The following HTT variants were observed in gnomAD, a reference collection of about 807,000 sequenced individuals.
HTT encodes the protein huntington disease protein.
In HTT, 104 loss-of-function variants were observed where a neutral mutation model predicts 362.3. That is an observed-to-expected ratio of 0.29 (90% CI 0.24 to 0.34). The LOEUF is 0.34. HTT is among the 10% of genes least tolerant of loss of function. The pLI is 1.00. For missense variants in HTT, 3,301 were observed against 3,928.6 expected (o/e 0.84, Z 4.27); for synonymous variants, 1,577 against 1,548.7 (o/e 1.02, Z -0.43).
chr4:3,217,327 C>T (rs1409795925), intron 51 of HTT, among the ~76,000 whole-genome samples: 1 of 152,164 alleles, frequency 6.6e-6, no homozygotes, highest in Non-Finnish European at 1.5e-5. Flanking sequence ...GCACTCTGAC[C>T]TAGGAAAGCC....
At chr4:3,151,956 G>A (rs940612315) in intron 26 of HTT, among the ~76,000 whole-genome samples, 6 of 152,094 alleles carry the variant, frequency 3.9e-5, no homozygotes, top group South Asian at 2.1e-4. Flanking sequence ...GAGATAGGGT[G>A]TCATTCTGTT....
chr4:3,212,458 A>G, intron 48 of HTT, 106 bp from the exon 49 acceptor site: 3 of 1,390,312 alleles, frequency 2.2e-6, no homozygotes, highest in Non-Finnish European at 3.0e-6. Flanking sequence ...CTGAGGAACA[A>G]TGTCTTGAGC....
rs1714488372 is a variant in HTT, at chr4:3,107,427, T to G, written c.747+4T>G. The G allele has an allele frequency of 6.2e-7, 1 of 1,613,978 alleles. No individual in the cohort carries two copies. The highest frequency in any genetic ancestry group is 8.5e-7 in the Non-Finnish European group (1 of 1,179,980). On this transcript the variant is annotated splice_donor_region_variant and intron_variant, in intron 6 of 66. Transcript: ENST00000355072. ...TGCAAATGACAATGAAATTAAGGTA[T>G]GATTGTTGCCTCAGGTCACAAACAT... is the stretch of plus-strand genomic sequence containing the variant.
chr4:3,139,073 A>G (rs1716216391), intron 21 of HTT, among the ~76,000 whole-genome samples: 1 of 152,190 alleles, frequency 6.6e-6, no homozygotes, highest in Non-Finnish European at 1.5e-5. Flanking sequence ...CATTTTCATC[A>G]TTGTAATTTG....
intron 52 of HTT, 80 bp from the exon 53 acceptor site, chr4:3,220,102 G>A (rs1202556216): frequency 1.3e-6 from 2 of 1,519,170 alleles, no homozygotes; most frequent in African/African-American, 1.4e-5. Flanking sequence ...CCAGTGGAGA[G>A]AAGTCGGGCT....
intron 40 of HTT, among the ~76,000 whole-genome samples, chr4:3,191,160 T>TTTC (rs1718993512): frequency 1.4e-5 from 2 of 146,810 alleles, no homozygotes; most frequent in Non-Finnish European, 3.1e-5. Flanking sequence ...TTGAGCTTTC[T>TTTC]TTCTTTCTTT....
At position 3,147,896 on chromosome 4, in the gene HTT, A is replaced by G. The variant is rs1209943590; in HGVS notation, c.3296-109A>G. The G allele has an allele frequency of 5.1e-6, 4 of 782,170 alleles. No individual in the cohort carries two copies. The African/African-American group carries it at 6.9e-5, about 14-fold the overall frequency. 48.5% of individuals were successfully genotyped at this position (782,170 alleles called of 1,614,324 possible). On this transcript the variant is annotated intron_variant, in intron 25 of 66. Transcript: ENST00000355072. ...CTTATCAGTTGAATATCAGGCACAG[A>G]TGTCTGGCCAACTCTCAACATAGGG... is the stretch of plus-strand genomic sequence containing the variant.
At chr4:3,203,724 G>A (rs1007256339) in intron 41 of HTT, among the ~76,000 whole-genome samples, 2 of 152,204 alleles carry the variant, frequency 1.3e-5, no homozygotes, top group Non-Finnish European at 2.9e-5. Flanking sequence ...AAATAAAGGT[G>A]CTGATTGAAT....
At chr4:3,153,516 T>A (rs1717001318) in intron 26 of HTT, among the ~76,000 whole-genome samples, 1 of 152,230 alleles carries the variant, frequency 6.6e-6, no homozygotes, top group Admixed American at 6.5e-5. Context: ...TAGTTGAGGC[T>A]TTATGAATAC....
chr4:3,231,335 T>C (rs1164927792), intron 60 of HTT, among the ~76,000 whole-genome samples: 1 of 151,938 alleles, frequency 6.6e-6, no homozygotes. Context: ...TGACGGTGAA[T>C]GATTTTTTTT....
intron 41 of HTT, among the ~76,000 whole-genome samples, chr4:3,200,672 G>A (rs1444808319): frequency 3.3e-5 from 5 of 152,196 alleles, no homozygotes; most frequent in African/African-American, 1.2e-4. Flanking sequence ...TGTGCTGCCA[G>A]GGCTCCCAGT....
intron 31 of HTT, among the ~76,000 whole-genome samples, chr4:3,173,516 G>A (rs1281295866): frequency 6.6e-6 from 1 of 152,180 alleles, no homozygotes; most frequent in African/African-American, 2.4e-5. Context: ...TGTGTTGGTG[G>A]CACTTTTCAG....
chr4:3,186,543 A>T, intron 37 of HTT, 54 bp from the exon 38 acceptor site: 1 of 1,596,052 alleles, frequency 6.3e-7, no homozygotes, highest in Non-Finnish European at 8.6e-7. Context: ...GTGTACAGGA[A>T]GCTGTCGTTT....
Position 3,172,981 on chromosome 4 carries a change from A to G in HTT, c.4016A>G (p.Gln1339Arg), listed in dbSNP as rs1718062345. ...DGLSSNPSKS[Q>R]GRAQRLGSSS... is the part of the protein sequence containing the mutation. Reference sequence around the variant, plus strand: ...TTATCTTCCAACCCCAGCAAGTCACAAGGCCGAGCACAGCGCCTTGGCTCC... The same window carrying G: ...TTATCTTCCAACCCCAGCAAGTCACGAGGCCGAGCACAGCGCCTTGGCTCC... Residue 1339 changes from glutamine to arginine, a missense_variant, in exon 31 of 67, where the codon CAA (glutamine) becomes CGA (arginine). Transcript: ENST00000355072. 6.2e-7 allele frequency: 1 copy of G among 1,614,188 alleles called. No homozygotes were observed.
At chr4:3,126,492 G>A (rs997008196) in intron 11 of HTT, among the ~76,000 whole-genome samples, 1 of 152,140 alleles carries the variant, frequency 6.6e-6, no homozygotes, top group African/African-American at 2.4e-5. Flanking sequence ...AGCTATAACT[G>A]AAAGTAAGAC....
Position 3,229,007 on chromosome 4 carries a change from TCC to T in HTT, c.8108_8109del (p.Leu2704SerfsTer14). 1.2e-6 allele frequency: 2 copies of T among 1,611,620 alleles called. No individual in the cohort carries two copies. The highest frequency in any genetic ancestry group is 1.7e-6 in the Non-Finnish European group (2 of 1,178,146). Reference protein sequence around the residue: ...PAILISEVVRSLLVVSDLFTE... With the variant: ...PAILISEVVRXLLVVSDLFTE... Reference sequence around the variant, plus strand: ...CATCCTGATCAGTGAGGTGGTCAGATCCGTAAGTGAGCCTTCCCATTCCCCTC... The same window carrying T: ...CATCCTGATCAGTGAGGTGGTCAGATGTAAGTGAGCCTTCCCATTCCCCTC... On this transcript the variant is annotated frameshift_variant and splice_region_variant, in exon 59 of 67. Coordinates refer to ENST00000355072, the MANE Select transcript of HTT (RefSeq NM_001388492.1). LOFTEE classifies it high-confidence loss of function.
At chr4:3,211,856 G>T in intron 47 of HTT, 73 bp from the exon 48 acceptor site, 18 of 1,050,812 alleles carry the variant, frequency 1.7e-5, no homozygotes, top group Admixed American at 1.5e-4. Context: ...TTTTTCTGTT[G>T]TGTTTTTCTT....
intron 2 of HTT, among the ~76,000 whole-genome samples, chr4:3,098,889 C>A (rs1400554435): frequency 6.6e-6 from 1 of 152,258 alleles, no homozygotes; most frequent in African/African-American, 2.4e-5. Flanking sequence ...ATTGAAGTAT[C>A]TGAAGTTTTT....
chr4:3,209,399 A>T (rs1467756816), intron 46 of HTT, among the ~76,000 whole-genome samples: 1 of 152,202 alleles, frequency 6.6e-6, no homozygotes. Flanking sequence ...CAGCTTATGA[A>T]TATGAATTTA....
Sources: allele counts gnomAD v4.1 joint callset (sites outside exome capture counted in the v4.1 genomes callset), GRCh38; gene constraint gnomAD v4.1.1; transcripts MANE v1.5; gene names NCBI Gene and HGNC (gene_info 2026-07-23, HGNC 2026-07-21).